The following KICS2 variants were observed in gnomAD, a reference collection of about 807,000 sequenced individuals.
KICS2 encodes KICSTOR complex protein C12orf66.
In KICS2, 13 loss-of-function variants were observed where a neutral mutation model predicts 31.4. That is an observed-to-expected ratio of 0.41 (90% CI 0.27 to 0.66). The LOEUF (loss-of-function observed/expected upper bound fraction) is 0.66, where lower values mean the gene tolerates loss of function less well. KICS2 is among the 30% of genes least tolerant of loss of function. The pLI is 0.28. For missense variants in KICS2, 455 were observed against 545.4 expected (o/e 0.83, Z 1.65); for synonymous variants, 209 against 214.8 (o/e 0.97, Z 0.24).
At chr12:64,189,161 A>C (rs1471420857), downstream of KICS2, among the ~76,000 whole-genome samples, 1 of 152,156 alleles carries the variant, frequency 6.6e-6, no homozygotes, top group Non-Finnish European at 1.5e-5. Flanking sequence ...CCATCCCAAA[A>C]AATAAATAAA....
At chr12:64,196,354 C>G (rs866482228) in intron 2 of KICS2, among the ~76,000 whole-genome samples, 8 of 151,580 alleles carry the variant, frequency 5.3e-5, no homozygotes, top group Non-Finnish European at 1.0e-4. Context: ...ACACCTCACA[C>G]GGCAGGGTAT....
intron 2 of KICS2, among the ~76,000 whole-genome samples, chr12:64,215,032 G>A (rs1164729440): frequency 1.3e-5 from 2 of 151,610 alleles, no homozygotes; most frequent in Admixed American, 6.6e-5. Flanking sequence ...TCAGCCAGGT[G>A]CATTGGCTCA....
chr12:64,208,811 G>A (rs1474105945), intron 2 of KICS2, among the ~76,000 whole-genome samples: 2 of 151,820 alleles, frequency 1.3e-5, no homozygotes, highest in Admixed American at 1.3e-4. Flanking sequence ...TTGCCATACC[G>A]TAGAGATTTT....
chr12:64,195,077 G>A (rs2037421074), intron 2 of KICS2, among the ~76,000 whole-genome samples: 1 of 152,000 alleles, frequency 6.6e-6, no homozygotes, highest in South Asian at 2.1e-4. Context: ...AAGCAGCTGA[G>A]AACATAGGCA....
At chr12:64,188,042 C>T (rs1407612712), downstream of KICS2, among the ~76,000 whole-genome samples, 1 of 152,054 alleles carries the variant, frequency 6.6e-6, no homozygotes, top group Non-Finnish European at 1.5e-5. Context: ...TGACCTTTCC[C>T]CCTCTATGTA....
rs776483799 is a variant in KICS2 at position 64,215,772 on chromosome 12, A to G, written c.427T>C (p.Tyr143His). The G allele has an allele frequency of 5.6e-6, 9 of 1,614,100 alleles. No individual in the cohort carries two copies. The highest frequency in any genetic ancestry group is 6.8e-6 in the Non-Finnish European group (8 of 1,180,024). The change falls in exon 2 of 3, where the codon TAT becomes CAT. Residue 143 changes from tyrosine (Y) to histidine (H), a missense_variant. Tyr to His is a moderately conservative substitution (Grantham distance 83). Coordinates refer to ENST00000398055, the MANE Select transcript of KICS2 (RefSeq NM_152440.5). ...GTGCTGAGGGTGTACATCTTCTCAT[A>G]GAAGTCTGCTATCTCCATCCGAGCC... ...VQARMEIADF[Y>H]EKMYTLSTQK...
chr12:64,207,096 C>T (rs562875789), intron 2 of KICS2, among the ~76,000 whole-genome samples: 5 of 151,946 alleles, frequency 3.3e-5, no homozygotes, highest in East Asian at 1.9e-4. Flanking sequence ...CTTGAGCTCA[C>T]GCGTTCAAGA....
intron 1 of KICS2, among the ~76,000 whole-genome samples, chr12:64,217,740 G>A (rs1278233305): frequency 1.3e-5 from 2 of 151,904 alleles, no homozygotes; most frequent in African/African-American, 4.8e-5. Context: ...GGCAGAGGCT[G>A]CAGCGAGCCG....
intron 2 of KICS2, among the ~76,000 whole-genome samples, chr12:64,196,826 A>G (rs1217813310): frequency 6.7e-4 from 100 of 150,274 alleles, no homozygotes; most frequent in Middle Eastern, 3.4e-3. Flanking sequence ...GAGCCGATGC[A>G]ATCAACTGGA....
chr12:64,216,833 T>C (rs995877913), intron 1 of KICS2, among the ~76,000 whole-genome samples: 2 of 152,166 alleles, frequency 1.3e-5, no homozygotes, highest in Non-Finnish European at 2.9e-5. Flanking sequence ...GCTTCATGGA[T>C]GTTCCCTTAA....
chr12:64,192,494 C>T lies in KICS2; in HGVS notation c.*1348G>A. ...CTTCCTACATGGACTCTGAGGGGCT[C>T]TCTGGTCTCTGCTGATGTTGCTGGC... On this transcript the variant is annotated 3_prime_UTR_variant, in exon 3 of 3. Transcript: ENST00000398055. The T allele has an allele frequency of 1.7e-6, 1 of 592,948 alleles. No homozygotes were observed. The highest frequency in any genetic ancestry group is 2.1e-6 in the Non-Finnish European group (1 of 471,456). The allele number at this position is 592,948 out of a possible 1,614,324, so 36.7% of individuals were successfully genotyped here.
chr12:64,189,608 C>A (rs2037363867), downstream of KICS2, among the ~76,000 whole-genome samples: 2 of 152,112 alleles, frequency 1.3e-5, no homozygotes, highest in Admixed American at 6.6e-5. Context: ...CTCCTTAGTT[C>A]TGTCTATAGA....
At chr12:64,199,070 GA>G (rs2037465146) in intron 2 of KICS2, among the ~76,000 whole-genome samples, 1 of 74,622 alleles carries the variant, frequency 1.3e-5, no homozygotes, top group Non-Finnish European at 2.6e-5. Context: ...CCAATCAATA[GA>G]AAAAGAGGGA....
downstream of KICS2, among the ~76,000 whole-genome samples, chr12:64,190,605 AT>A (rs1259548755): frequency 6.6e-6 from 1 of 152,020 alleles, no homozygotes; most frequent in African/African-American, 2.4e-5. Flanking sequence ...TCTCTAAAAT[AT>A]TTTTTTAAAA....
rs1303685336 is a variant in KICS2, at chr12:64,193,544, A to T, written c.*298T>A. On this transcript the variant is annotated 3_prime_UTR_variant, in exon 3 of 3. Transcript: ENST00000398055. ...ACAGAAAAACATATGGGAAAAAAAA[A>T]AGCCCAATAAATATTCAATCTACAA... The T allele has an allele frequency of 2.7e-6, 3 of 1,118,888 alleles. No individual in the cohort carries two copies. Among genetic ancestry groups the T allele is most frequent in the Non-Finnish European group, 3.3e-6 (3 of 916,128 alleles). 69.3% of individuals were successfully genotyped at this position (1,118,888 alleles called of 1,614,324 possible).
intron 2 of KICS2, among the ~76,000 whole-genome samples, chr12:64,201,438 C>T (rs1383258643): frequency 1.1e-5 from 1 of 94,802 alleles, no homozygotes; most frequent in African/African-American, 4.3e-5. Flanking sequence ...GGGAATATCA[C>T]ACTCTGGGGA....
At chr12:64,190,560 T>C (rs2037370747), downstream of KICS2, among the ~76,000 whole-genome samples, 2 of 152,112 alleles carry the variant, frequency 1.3e-5, no homozygotes, top group African/African-American at 2.4e-5. Context: ...AGCCCAGGAT[T>C]TCGAGACCAG....
chr12:64,197,196 G>A, intron 2 of KICS2, among the ~76,000 whole-genome samples: 6 of 138,010 alleles, frequency 4.3e-5, no homozygotes, highest in Admixed American at 7.5e-5. Flanking sequence ...AGGGCAGCCA[G>A]AGAGAAAGGT....
At chr12:64,210,386 T>C (rs573141609) in intron 2 of KICS2, among the ~76,000 whole-genome samples, 15 of 152,262 alleles carry the variant, frequency 9.9e-5, no homozygotes, top group Admixed American at 9.8e-4. Flanking sequence ...CCTAAGAACT[T>C]TGAAAATTAA....
Sources: gnomAD v4.1 joint callset for allele counts (sites outside exome capture counted in the v4.1 genomes callset) on GRCh38, gnomAD v4.1.1 for gene constraint, MANE v1.5 for transcripts, NCBI Gene and HGNC (gene_info 2026-07-23, HGNC 2026-07-21) for gene names.